ROR1: variants seen among roughly 807,000 people sequenced by gnomAD.
ROR1 encodes the protein inactive tyrosine-protein kinase transmembrane receptor ROR1.
ROR1 carries 19 observed loss-of-function variants against 78.8 expected under a neutral mutation model. That is an observed-to-expected ratio of 0.24 (90% confidence interval 0.17 to 0.35). ROR1 has a LOEUF of 0.35. Among genes scored for constraint, ROR1 ranks in the 10% least tolerant of loss-of-function variants. ROR1 has a pLI of 1.00. For missense variants in ROR1, 917 were observed against 1,177.8 expected, an observed-to-expected ratio of 0.78 and a Z score of 3.24; for synonymous variants, 386 against 433.6, an observed-to-expected ratio of 0.89 and a Z score of 1.36.
chr1:64,008,716 C>A (rs958651258), intron 1 of ROR1, among the ~76,000 whole-genome samples: 1 of 152,126 alleles, frequency 6.6e-6, no homozygotes, highest in Non-Finnish European at 1.5e-5. Flanking sequence ...CTCACTGCAA[C>A]CTCCGCCTCC....
intron 1 of ROR1, among the ~76,000 whole-genome samples, chr1:63,977,147 G>GC (rs1184189656): frequency 6.6e-6 from 1 of 152,088 alleles, no homozygotes; most frequent in African/African-American, 2.4e-5. Flanking sequence ...GGAGGTAATT[G>GC]CCCCCCATGA....
At chr1:63,946,156 G>T (rs1204435396) in intron 1 of ROR1, among the ~76,000 whole-genome samples, 3 of 152,176 alleles carry the variant, frequency 2.0e-5, no homozygotes, top group East Asian at 1.9e-4. Context: ...GTTGGCTGGT[G>T]TGTGGCTCTG....
intron 1 of ROR1, among the ~76,000 whole-genome samples, chr1:63,820,473 A>G (rs1644917326): frequency 6.6e-6 from 1 of 152,146 alleles, no homozygotes; most frequent in Non-Finnish European, 1.5e-5. Context: ...AGATTAGGAG[A>G]AGGAAAATGC....
At chr1:63,989,566 C>G (rs946462620) in intron 1 of ROR1, among the ~76,000 whole-genome samples, 4 of 152,196 alleles carry the variant, frequency 2.6e-5, no homozygotes, top group African/African-American at 9.6e-5. Context: ...ATTCCTGACT[C>G]TGCTCTTTAC....
At chr1:63,969,858 C>T (rs1369837948) in intron 1 of ROR1, among the ~76,000 whole-genome samples, 2 of 152,162 alleles carry the variant, frequency 1.3e-5, no homozygotes, top group East Asian at 3.9e-4. Context: ...CATGACTCCT[C>T]TGCACAGTGC....
intron 1 of ROR1, among the ~76,000 whole-genome samples, chr1:63,855,691 C>G (rs1476775859): frequency 2.0e-5 from 3 of 149,644 alleles, no homozygotes; most frequent in Non-Finnish European, 3.0e-5. Context: ...GCTCTGTTGT[C>G]AGGCTGGAGT....
At chr1:63,981,883 G>T (rs1199980529) in intron 1 of ROR1, among the ~76,000 whole-genome samples, 1 of 152,030 alleles carries the variant, frequency 6.6e-6, no homozygotes, top group East Asian at 1.9e-4. Flanking sequence ...TTTGCAAGCA[G>T]TGCTCAAAAG....
chr1:63,784,828 C>T (rs751495455), intron 1 of ROR1, among the ~76,000 whole-genome samples: 5 of 152,228 alleles, frequency 3.3e-5, no homozygotes, highest in African/African-American at 4.8e-5. Flanking sequence ...CTACATCTCT[C>T]AATTGAATGG....
chr1:63,808,073 C>T lies in ROR1; in HGVS notation c.91+33565C>T, dbSNP rs1166933411. Among the ~76,000 whole-genome samples, 4 of 152,284 alleles carry T rather than the reference C, an allele frequency of 2.6e-5. No homozygotes were observed. The East Asian group carries it at 5.8e-4, about 22-fold the overall frequency. ...TTCCTCCAACTCCTACTCTCCTTCT[C>T]TTTCTTCCTCTTCTTCCTCCTCCTC... On this transcript the variant is annotated intron_variant, in intron 1 of 8. Coordinates refer to ENST00000371079, the MANE Select transcript of ROR1 (RefSeq NM_005012.4).
chr1:63,890,638 GA>G (rs1645387735), intron 1 of ROR1, among the ~76,000 whole-genome samples: 1 of 152,040 alleles, frequency 6.6e-6, no homozygotes. Flanking sequence ...CTAGAAGGAT[GA>G]GGGGGAGTTT....
rs140833381 is a variant in ROR1, at chr1:63,815,458, TTTTTCTTTTC to T, written c.91+40965_91+40974del. Among the ~76,000 whole-genome samples, 224 of 146,732 alleles carry T rather than the reference TTTTTCTTTTC, an allele frequency of 1.5e-3. 1 individual carries two copies. The highest frequency in any genetic ancestry group is 5.1e-3 in the African/African-American group (191 of 37,282). ...TATCCAGGACTGGATTTTTTTTTTC[TTTTTCTTTTC>T]TTTTCTTTTCTTTTTCTTTTTTTTT... On this transcript the variant is annotated intron_variant, in intron 1 of 8. Coordinates refer to ENST00000371079, the MANE Select transcript of ROR1 (RefSeq NM_005012.4).
chr1:64,116,324 A>G (rs1011348246), intron 4 of ROR1, among the ~76,000 whole-genome samples: 2 of 152,208 alleles, frequency 1.3e-5, no homozygotes, highest in Non-Finnish European at 2.9e-5. Context: ...TTTGTGTCAC[A>G]ATATTTTTAA....
chr1:64,099,427 T>C lies in ROR1; in HGVS notation c.483-37942T>C, dbSNP rs147641669. Reference sequence around the variant, plus strand: ...GCTCAGTCAATGCCACCTGCTATTATACTTGTCACGGTGGTGTGAGAAGGA... The same window carrying C: ...GCTCAGTCAATGCCACCTGCTATTACACTTGTCACGGTGGTGTGAGAAGGA... On this transcript the variant is annotated intron_variant, in intron 4 of 8. Transcript: ENST00000371079. 4.6e-5 allele frequency among the ~76,000 whole-genome samples: 7 copies of C among 152,300 alleles called. No individual in the cohort carries two copies. In the East Asian group the frequency reaches 1.4e-3, roughly 29 times the overall value.
intron 8 of ROR1, among the ~76,000 whole-genome samples, chr1:64,163,222 AACAC>A (rs57880828): frequency 0.39 from 53,028 of 137,220 alleles, 10,044 homozygotes; most frequent in Non-Finnish European, 0.45. Context: ...CATCTCTACA[AACAC>A]ACACACACAC....
rs894049639 is a variant in ROR1, at chr1:63,778,684, C to A, written c.91+4176C>A. Reference sequence around the variant, plus strand: ...TCCTTACAATGGGCCAATCACTCTTCTAAGCCTTTTGCAAGTATTAACTCA... The same window carrying A: ...TCCTTACAATGGGCCAATCACTCTTATAAGCCTTTTGCAAGTATTAACTCA... On this transcript the variant is annotated intron_variant, in intron 1 of 8. Coordinates refer to ENST00000371079, the MANE Select transcript of ROR1 (RefSeq NM_005012.4). Among the ~76,000 whole-genome samples the A allele has an allele frequency of 9.2e-5, 14 of 152,354 alleles. No homozygotes were observed. The Middle Eastern group carries it at 0.02, about 222-fold the overall frequency.
chr1:63,895,612 T>C (rs1308282864), intron 1 of ROR1, among the ~76,000 whole-genome samples: 1 of 152,162 alleles, frequency 6.6e-6, no homozygotes, highest in Non-Finnish European at 1.5e-5. Flanking sequence ...TTAGCCTTTC[T>C]TGAAGTCATT....
At chr1:63,941,075 T>C (rs855940) in intron 1 of ROR1, among the ~76,000 whole-genome samples, 150,576 of 152,290 alleles carry the variant, frequency 0.99, 74,445 homozygotes, top group East Asian at 1. Flanking sequence ...GGAACTGTTC[T>C]AAGTTAAAGG....
chr1:64,161,699 T>C (rs1445327442), intron 8 of ROR1, among the ~76,000 whole-genome samples: 1 of 152,228 alleles, frequency 6.6e-6, no homozygotes, highest in African/African-American at 2.4e-5. Flanking sequence ...GTGTCAAGAT[T>C]TGTCCACTAT....
At position 63,785,502 on chromosome 1, in the gene ROR1, TTTA is replaced by T. The variant is rs1181234207; in HGVS notation, c.91+10997_91+10999del. Among the ~76,000 whole-genome samples the T allele has an allele frequency of 2.8e-3, 190 of 68,364 alleles. No individual in the cohort carries two copies. The African/African-American group carries it at 0.044, about 16-fold the overall frequency. 44.8% of individuals were successfully genotyped at this position (68,364 alleles called of 152,430 possible). On this transcript the variant is annotated intron_variant, in intron 1 of 8. Coordinates refer to ENST00000371079, the MANE Select transcript of ROR1 (RefSeq NM_005012.4). ...AGCAACTATATATATATATATTTTA[TTTA>T]TTTATTTATTTATTTATTTATTTAA... is the stretch of plus-strand genomic sequence containing the variant.
Sources: allele counts gnomAD v4.1 joint callset (sites outside exome capture counted in the v4.1 genomes callset), GRCh38; gene constraint gnomAD v4.1.1; transcripts MANE v1.5; gene names NCBI Gene and HGNC (gene_info 2026-07-23, HGNC 2026-07-21).